The following SOCS5 variants were observed in gnomAD, a reference collection of about 807,000 sequenced individuals.
SOCS5 encodes the protein CIS-6.
Under a neutral mutation model 42.8 loss-of-function variants are expected in SOCS5, and 32 were observed. The ratio of observed to expected loss-of-function variants is 0.75; its 90% confidence interval spans 0.56 to 1.01. SOCS5 has a LOEUF of 1.01. Among genes scored for constraint, SOCS5 ranks in the 50% least tolerant of loss-of-function variants. The pLI, the probability that SOCS5 is intolerant of heterozygous loss-of-function variation, is 0.00. For missense variants in SOCS5, 627 were observed against 653.0 expected (o/e 0.96, Z 0.43); for synonymous variants, 283 against 229.6 (o/e 1.23, Z -2.10).
intron 1 of SOCS5, among the ~76,000 whole-genome samples, chr2:46,729,016 G>T (rs545196158): frequency 6.6e-6 from 1 of 152,282 alleles, no homozygotes; most frequent in East Asian, 1.9e-4. Context: ...CAGAAATTCT[G>T]GGAGTGAGAC....
At chr2:46,728,680 C>T (rs1454787246) in intron 1 of SOCS5, among the ~76,000 whole-genome samples, 5 of 152,140 alleles carry the variant, frequency 3.3e-5, no homozygotes, top group South Asian at 2.1e-4. Context: ...CTCAGCCTCC[C>T]GAATAGCTGG....
intron 1 of SOCS5, among the ~76,000 whole-genome samples, chr2:46,714,709 C>T (rs1672701231): frequency 6.6e-6 from 1 of 152,150 alleles, no homozygotes; most frequent in Non-Finnish European, 1.5e-5. Flanking sequence ...CCATGCCAAC[C>T]AGTGGTTTAG....
intron 1 of SOCS5, among the ~76,000 whole-genome samples, chr2:46,702,930 C>T (rs1235275677): frequency 6.6e-6 from 1 of 152,214 alleles, no homozygotes; most frequent in Non-Finnish European, 1.5e-5. Flanking sequence ...AACAGCCCTT[C>T]TTCCATTTGT....
Position 46,762,936 on chromosome 2 carries a change from G to A in SOCS5, c.*2795G>A, listed in dbSNP as rs1044807220. ...AAGTGTGTATTATATATTTATGTAT[G>A]CACATATATACATTTATGTTGTTAA... On this transcript the variant is annotated 3_prime_UTR_variant, in exon 2 of 2. Coordinates refer to ENST00000394861, the MANE Select transcript of SOCS5 (RefSeq NM_144949.3). 4 of 166,826 alleles carry A rather than the reference G, an allele frequency of 2.4e-5. No homozygotes were observed. The highest frequency in any genetic ancestry group is 4.4e-5 in the Non-Finnish European group (3 of 68,058). 10.3% of individuals were successfully genotyped at this position (166,826 alleles called of 1,614,324 possible).
chr2:46,719,251 A>G (rs1672825604), intron 1 of SOCS5, among the ~76,000 whole-genome samples: 1 of 152,230 alleles, frequency 6.6e-6, no homozygotes, highest in East Asian at 1.9e-4. Context: ...CCTTTTTTCC[A>G]TTTTTGCAGA....
chr2:46,714,441 A>G (rs1303830743), intron 1 of SOCS5, among the ~76,000 whole-genome samples: 2 of 152,208 alleles, frequency 1.3e-5, no homozygotes, highest in Non-Finnish European at 1.5e-5. Flanking sequence ...TCTCTGTCTG[A>G]TACAAACTTT....
intron 1 of SOCS5, among the ~76,000 whole-genome samples, chr2:46,750,480 A>T (rs1479739898): frequency 6.6e-6 from 1 of 152,124 alleles, no homozygotes; most frequent in Non-Finnish European, 1.5e-5. Context: ...CTTTTTAAAA[A>T]TGGACCACTA....
Position 46,759,914 on chromosome 2 carries a change from C to T in SOCS5, c.1384C>T (p.Pro462Ser), listed in dbSNP as rs779256971. 4 of 1,614,116 alleles carry T rather than the reference C, an allele frequency of 2.5e-6. No homozygotes were observed. The highest frequency in any genetic ancestry group is 1.7e-5 in the Admixed American group (1 of 60,006). ...GGGACTTTTAGAACATTATAAAGAT[C>T]CCAGTTCGTGCATGTTTTTTGAACC... ...VTGLLEHYKD[P>S]SSCMFFEPLL... Residue 462 changes from proline to serine, a missense_variant, in exon 2 of 2, where the codon CCC becomes TCC. Pro to Ser is a moderately conservative substitution (Grantham distance 74). Coordinates refer to ENST00000394861, the MANE Select transcript of SOCS5 (RefSeq NM_144949.3).
intron 1 of SOCS5, among the ~76,000 whole-genome samples, chr2:46,708,168 CTAAT>C (rs1672538429): frequency 6.6e-6 from 1 of 152,076 alleles, no homozygotes; most frequent in African/African-American, 2.4e-5. Flanking sequence ...AAGAAAGAGA[CTAAT>C]TATATGATGG....
At chr2:46,750,816 A>G (rs1673605982) in intron 1 of SOCS5, among the ~76,000 whole-genome samples, 1 of 152,158 alleles carries the variant, frequency 6.6e-6, no homozygotes, top group African/African-American at 2.4e-5. Flanking sequence ...AATAGGCTAG[A>G]AATTTTCTTT....
At chr2:46,744,475 A>G (rs1034074821) in intron 1 of SOCS5, among the ~76,000 whole-genome samples, 4 of 152,110 alleles carry the variant, frequency 2.6e-5, no homozygotes, top group African/African-American at 9.7e-5. Context: ...AACATAGAAA[A>G]TCAGTGTGGG....
chr2:46,707,635 T>G (rs758872844), intron 1 of SOCS5, among the ~76,000 whole-genome samples: 2 of 152,168 alleles, frequency 1.3e-5, no homozygotes, highest in Admixed American at 6.6e-5. Flanking sequence ...GGATTTTTAT[T>G]TAGTTTTATA....
intron 1 of SOCS5, among the ~76,000 whole-genome samples, chr2:46,744,459 A>G (rs867855108): frequency 7.2e-5 from 11 of 152,318 alleles, no homozygotes; most frequent in South Asian, 6.2e-4. Context: ...ATTTGATTAC[A>G]GTTAGAACAT....
chr2:46,727,144 CTTTTTTTTT>C (rs759203329), intron 1 of SOCS5, among the ~76,000 whole-genome samples: 22 of 86,416 alleles, frequency 2.5e-4, no homozygotes, highest in African/African-American at 2.8e-4. Flanking sequence ...TTGGAGCCTT[CTTTTTTTTT>C]TTTTTTTTTT....
At chr2:46,714,553 T>C (rs77510932) in intron 1 of SOCS5, among the ~76,000 whole-genome samples, 1 of 152,188 alleles carries the variant, frequency 6.6e-6, no homozygotes, top group African/African-American at 2.4e-5. Context: ...GAATGTGTAG[T>C]TGGGTCTCAC....
chr2:46,709,601 G>C (rs1008034029), intron 1 of SOCS5, among the ~76,000 whole-genome samples: 5 of 152,218 alleles, frequency 3.3e-5, no homozygotes, highest in Middle Eastern at 6.8e-3. Flanking sequence ...ATTAAGGGTG[G>C]AGCAGCAGGG....
intron 1 of SOCS5, among the ~76,000 whole-genome samples, chr2:46,709,580 A>G (rs562060581): frequency 6.6e-6 from 1 of 152,210 alleles, no homozygotes; most frequent in Non-Finnish European, 1.5e-5. Context: ...GTACCAAGAA[A>G]GTAATAGAAC....
intron 1 of SOCS5, among the ~76,000 whole-genome samples, chr2:46,706,724 G>A (rs1438720908): frequency 6.6e-6 from 1 of 152,198 alleles, no homozygotes; most frequent in Non-Finnish European, 1.5e-5. Context: ...AAAAACATTA[G>A]GATGGCATGG....
At chr2:46,750,780 G>A (rs936587945) in intron 1 of SOCS5, among the ~76,000 whole-genome samples, 2 of 152,166 alleles carry the variant, frequency 1.3e-5, no homozygotes, top group African/African-American at 4.8e-5. Context: ...TTTGGTCAGA[G>A]TATTGTTTCA....
Sources: gnomAD v4.1 joint callset for allele counts (sites outside exome capture counted in the v4.1 genomes callset) on GRCh38, gnomAD v4.1.1 for gene constraint, MANE v1.5 for transcripts, NCBI Gene and HGNC (gene_info 2026-07-23, HGNC 2026-07-21) for gene names.